PTPRS: variants seen among roughly 807,000 people sequenced by gnomAD.
The protein encoded by PTPRS is receptor-type tyrosine-protein phosphatase S.
In PTPRS, 63 loss-of-function variants were observed where a neutral mutation model predicts 215.3. That is an observed-to-expected ratio of 0.29 (90% confidence interval 0.24 to 0.36). The LOEUF (loss-of-function observed/expected upper bound fraction) is 0.36. PTPRS is among the 10% of genes least tolerant of loss of function. The pLI is 1.00. For missense variants in PTPRS, 2,258 were observed against 2,825.8 expected, an observed-to-expected ratio of 0.80 and a Z score of 4.56; for synonymous variants, 1,404 against 1,191.4, an observed-to-expected ratio of 1.18 and a Z score of -3.68.
At chr19:5,227,291 T>C (rs919235739) in intron 16 of PTPRS, among the ~76,000 whole-genome samples, 2 of 152,082 alleles carry the variant, frequency 1.3e-5, no homozygotes, top group Admixed American at 1.3e-4. Flanking sequence ...GCTCAAGTGA[T>C]CCGCCTGCCT....
rs535895778 is a variant in PTPRS at position 5,287,943 on chromosome 19, ACAGT to A, written c.-94-1713_-94-1710del. Reference sequence around the variant, plus strand: ...GAGACACAGAAACAAATGCATTCACACAGTCAGGCAGCAGAGACGGGCACACACA... The same window carrying A: ...GAGACACAGAAACAAATGCATTCACACAGGCAGCAGAGACGGGCACACACA... On this transcript the variant is annotated intron_variant, in intron 1 of 37. Coordinates refer to ENST00000262963, the MANE Select transcript of PTPRS (RefSeq NM_002850.4). This position sits in a 1 kb window ranked among gnomAD's most constrained non-coding sequence, Gnocchi z 4.8. Among the ~76,000 whole-genome samples, 129 of 149,804 alleles carry A rather than the reference ACAGT, an allele frequency of 8.6e-4. 1 individual carries two copies. The South Asian group carries it at 0.014, about 16-fold the overall frequency.
At chr19:5,300,767 C>CA (rs59799136) in intron 1 of PTPRS, among the ~76,000 whole-genome samples, 19,240 of 97,406 alleles carry the variant, frequency 0.2, 1,965 homozygotes, top group Non-Finnish European at 0.28. Context: ...GACTCCGTCT[C>CA]AAAAAAAAAA....
intron 1 of PTPRS, among the ~76,000 whole-genome samples, chr19:5,324,728 G>T (rs1406097837): frequency 6.6e-6 from 1 of 152,198 alleles, no homozygotes; most frequent in South Asian, 2.1e-4. Context: ...GCGAAAGTGG[G>T]GCAGTGGTTG....
intron 12 of PTPRS, among the ~76,000 whole-genome samples, chr19:5,239,537 G>A (rs2043827295): frequency 6.6e-6 from 1 of 151,280 alleles, no homozygotes; most frequent in Non-Finnish European, 1.5e-5. Flanking sequence ...TAGAGAAATT[G>A]AGAAGGAGAC....
Position 5,244,465 on chromosome 19 carries a change from C to T in PTPRS, c.1006G>A (p.Gly336Arg), listed in dbSNP as rs560188490. 41 of 1,613,530 alleles carry T rather than the reference C, an allele frequency of 2.5e-5. No homozygotes were observed. Among genetic ancestry groups the T allele is most frequent in the Admixed American group, 5.0e-5 (3 of 59,974 alleles). Residue 336 changes from glycine (G) to arginine (R), a missense_variant, in exon 11 of 38, where the codon GGG (glycine) becomes AGG (arginine). Physicochemically the swap from Gly to Arg is moderately radical, Grantham distance 125. Coordinates refer to ENST00000262963, the MANE Select transcript of PTPRS (RefSeq NM_002850.4). The surrounding 1 kb of genome is among the most constrained non-coding windows in gnomAD (Gnocchi z 7.2). ...ITVKSLPKAP[G>R]TPMVTENTAT... ...GTGTTCTCAGTCACCATGGGAGTCC[C>T]GGGAGCTTTGGGGAGAGCTGTGGGC...
rs561891974 is a variant in PTPRS at position 5,219,606 on chromosome 19, A to G, written c.3766-139T>C. Reference sequence around the variant, plus strand: ...CCTAGAACCTTGACCCTGGTGGCCTATGTGACCTGGTCCCTGCCAATCTTT... The same window carrying G: ...CCTAGAACCTTGACCCTGGTGGCCTGTGTGACCTGGTCCCTGCCAATCTTT... On this transcript the variant is annotated intron_variant, in intron 22 of 37. Transcript: ENST00000262963. 61 of 1,106,552 alleles carry G rather than the reference A, an allele frequency of 5.5e-5. No homozygotes were observed. In the Admixed American group the frequency reaches 1.2e-3, roughly 22 times the overall value. 68.5% of individuals were successfully genotyped at this position (1,106,552 alleles called of 1,614,324 possible). A position where few individuals can be genotyped will look rare whatever the true frequency, so the allele number is the denominator to read the frequency against.
chr19:5,274,447 A>C (rs763420712), intron 2 of PTPRS, 103 bp from the exon 3 acceptor site: 595 of 1,329,778 alleles, frequency 4.5e-4, no homozygotes, highest in Non-Finnish European at 5.5e-4. Context: ...TGCCCACGGA[A>C]GTGCCATGTG....
At chr19:5,282,629 C>T (rs539934491) in intron 2 of PTPRS, among the ~76,000 whole-genome samples, 2 of 152,152 alleles carry the variant, frequency 1.3e-5, no homozygotes, top group South Asian at 4.2e-4. Context: ...ATGGCAAAAC[C>T]CCATCTCTAC....
chr19:5,268,535 T>C (rs1027893688), intron 4 of PTPRS, among the ~76,000 whole-genome samples: 5 of 151,634 alleles, frequency 3.3e-5, no homozygotes, highest in Admixed American at 6.6e-5. Context: ...GAGGCCAAGA[T>C]GGGGCAAGGG....
rs192138368 is a variant in PTPRS at position 5,271,381 on chromosome 19, A to T, written c.379+2061T>A. 9.6e-4 allele frequency among the ~76,000 whole-genome samples: 144 copies of T among 150,342 alleles called. 1 individual carries two copies. In the Middle Eastern group the frequency reaches 0.024, roughly 25 times the overall value. The stretch of plus-strand genomic sequence containing the variant: ...GGAATTACCCCTTGTGGTGAGAACC[A>T]TTATTACCCGATTTTTTTTTTTTTT... On this transcript the variant is annotated intron_variant, in intron 4 of 37. Transcript: ENST00000262963.
intron 2 of PTPRS, among the ~76,000 whole-genome samples, chr19:5,279,564 T>TCTCG (rs1169136233): frequency 6.6e-6 from 1 of 151,962 alleles, no homozygotes. Context: ...AGAGACAGGG[T>TCTCG]CTCGCTATGT....
intron 24 of PTPRS, 122 bp from the exon 25 acceptor site, chr19:5,218,654 C>G: frequency 6.6e-7 from 1 of 1,517,714 alleles, no homozygotes; most frequent in East Asian, 2.3e-5. Flanking sequence ...CTAGGGTTTC[C>G]AGGACCAAGT....
chr19:5,222,693 G>C lies in PTPRS; in HGVS notation c.3099C>G (p.Asp1033Glu), dbSNP rs1351187602. ...PPVRYRTFLR[D>E]QVSPKNFKVK... ...CAGGGGTCGCCGCGCGCCTACCTTG[G>C]TCCCGCAGGAACGTCCGGTAGCGGA... Residue 1033 changes from aspartate to glutamate, a missense_variant, in exon 18 of 38, where the codon GAC becomes GAG. Around this residue, in one of 6 missense-constraint regions of PTPRS, gnomAD observed 361 missense variants for 332.6 expected, o/e 1.09. Transcript: ENST00000262963. 1 of 1,584,072 alleles carries C rather than the reference G, an allele frequency of 6.3e-7. No homozygotes were observed. The highest frequency in any genetic ancestry group is 8.5e-7 in the Non-Finnish European group (1 of 1,171,470).
intron 23 of PTPRS, 110 bp downstream of exon 23, chr19:5,219,200 C>T (rs934794825): frequency 5.6e-6 from 8 of 1,434,116 alleles, no homozygotes; most frequent in African/African-American, 1.4e-5. Context: ...TCGGTTTCCC[C>T]ATGTGTACAA....
intron 1 of PTPRS, among the ~76,000 whole-genome samples, chr19:5,334,797 T>G (rs1475134573): frequency 2.0e-5 from 3 of 152,168 alleles, no homozygotes; most frequent in African/African-American, 7.2e-5. Context: ...TGAAGGCCCC[T>G]CCCTGTGCCT....
intron 9 of PTPRS, among the ~76,000 whole-genome samples, chr19:5,251,309 G>A (rs1182140159): frequency 2.1e-5 from 3 of 142,268 alleles, no homozygotes; most frequent in Non-Finnish European, 4.6e-5. Context: ...AGCTCCCTCC[G>A]CCACTGAGGT....
At chr19:5,245,312 AG>A (rs1168786847) in intron 10 of PTPRS, among the ~76,000 whole-genome samples, 3 of 148,168 alleles carry the variant, frequency 2.0e-5, no homozygotes, top group Non-Finnish European at 4.5e-5. Flanking sequence ...TTTTAAAGAC[AG>A]GGTCCGGCTC....
rs919253826 is a variant in PTPRS at position 5,244,185 on chromosome 19, G to A, written c.1286C>T (p.Ala429Val). The change falls in exon 11 of 38, where the codon GCG becomes GTG. Residue 429 changes from alanine to valine, a missense_variant. By Grantham distance (64) the Ala-to-Val change is moderately conservative. This residue lies in a region of PTPRS where 508 missense variants were observed against 799.4 expected (regional missense o/e 0.64). Coordinates refer to ENST00000262963, the MANE Select transcript of PTPRS (RefSeq NM_002850.4). This position sits in a 1 kb window ranked among gnomAD's most constrained non-coding sequence, Gnocchi z 7.2. ...CATCCGGGCTTGCACGTTCCGCGGC[G>A]CGCTGGCCGGGGCCTGCTCGCCTGT... ...TRTGEQAPAS[A>V]PRNVQARMLS... 5.0e-6 allele frequency: 8 copies of A among 1,599,840 alleles called. No individual in the cohort carries two copies. The African/African-American group carries it at 5.4e-5, about 11-fold the overall frequency.
chr19:5,223,941 G>A (rs1297065128), intron 17 of PTPRS, among the ~76,000 whole-genome samples: 1 of 151,960 alleles, frequency 6.6e-6, no homozygotes, highest in Admixed American at 6.5e-5. Flanking sequence ...CACTTTGGGA[G>A]GCTGAGATGG....
Sources: allele counts gnomAD v4.1 joint callset (sites outside exome capture counted in the v4.1 genomes callset), GRCh38; gene constraint gnomAD v4.1.1; regional missense constraint gnomAD v4.1.1; non-coding constraint Gnocchi (gnomAD v3.1); transcripts MANE v1.5; gene names NCBI Gene and HGNC (gene_info 2026-07-23, HGNC 2026-07-21).